Variants in CEBPZOS observed in about 807,000 individuals in gnomAD.
CEBPZOS encodes the protein protein CEBPZOS.
A neutral mutation model predicts 4.8 loss-of-function variants in CEBPZOS; 10 were observed. That is an observed-to-expected ratio of 2.07 (90% CI 1.28 to 3.52). The LOEUF (loss-of-function observed/expected upper bound fraction) is 3.52. Among genes scored for constraint, CEBPZOS ranks in the 30% most tolerant of loss-of-function variants. CEBPZOS has a pLI of 0.00. For missense variants in CEBPZOS, 98 were observed against 43.6 expected, an observed-to-expected ratio of 2.25 and a Z score of -3.51; for synonymous variants, 25 against 14.2, an observed-to-expected ratio of 1.77 and a Z score of -1.72.
At chr2:37,200,658 T>G (rs371034124) in intron 2 of CEBPZOS, among the ~76,000 whole-genome samples, 71 of 70,410 alleles carry the variant, frequency 1.0e-3, no homozygotes, top group African/African-American at 5.0e-3. Flanking sequence ...CACTGTATCT[T>G]AAGAAAAAAA....
At chr2:37,201,434 A>T (rs987561115) in intron 3 of CEBPZOS, 1 of 532,938 alleles carries the variant, frequency 1.9e-6, no homozygotes, top group Admixed American at 3.6e-5. Context: ...TAAAGACTGA[A>T]CAAGATGACA....
At chr2:37,201,803 C>T (rs560242482) in intron 4 of CEBPZOS, 60 bp from the exon 5 acceptor site, 3 of 1,567,112 alleles carry the variant, frequency 1.9e-6, no homozygotes, top group Non-Finnish European at 2.6e-6. Context: ...TGGTTTTAAT[C>T]CTCTTCTTTT....
chr2:37,212,497 C>T, intron 4 of CEBPZOS: 1 of 919,208 alleles, frequency 1.1e-6, no homozygotes, highest in Non-Finnish European at 1.7e-6. Flanking sequence ...CTGTTTATGA[C>T]AAGTGAACAC....
At chr2:37,212,165 T>C in intron 4 of CEBPZOS, 1 of 995,822 alleles carries the variant, frequency 1.0e-6, no homozygotes, top group Non-Finnish European at 1.5e-6. Context: ...CTGCTCAGAG[T>C]AAATAATAAC....
Position 37,202,457 on chromosome 2 carries a change from C to CAA in CEBPZOS, c.*598_*599dup, listed in dbSNP as rs1472339104. On this transcript the variant is annotated 3_prime_UTR_variant, in exon 5 of 5. Coordinates refer to ENST00000402297, the MANE Select transcript of CEBPZOS (RefSeq NM_001322374.2). ...GTCAGGAGTTCGAGACCAGCCTGGC[C>CAA]AACATGGTGAAACCCTGTTTCTACT... The CAA allele has an allele frequency of 5.4e-6, 1 of 185,706 alleles. No homozygotes were observed. The highest frequency in any genetic ancestry group is 1.1e-5 in the Non-Finnish European group (1 of 89,014). 11.5% of individuals were successfully genotyped at this position (185,706 alleles called of 1,614,324 possible).
chr2:37,202,016 C>A lies in CEBPZOS; in HGVS notation c.*156C>A. On this transcript the variant is annotated 3_prime_UTR_variant, in exon 5 of 5. Transcript: ENST00000402297. ...TCTAGCCTGCCTTGGCCTGTGGTTT[C>A]CCACCCACTATACAAACCCACTGCT... is the stretch of plus-strand genomic sequence containing the variant. The A allele has an allele frequency of 1.1e-6, 1 of 869,920 alleles. No homozygotes were observed. Among genetic ancestry groups the A allele is most frequent in the Non-Finnish European group, 1.8e-6 (1 of 569,146 alleles). The allele number at this position is 869,920 out of a possible 1,614,324, so 53.9% of individuals were successfully genotyped here. A position where few individuals can be genotyped will look rare whatever the true frequency, so the allele number is the denominator to read the frequency against.
chr2:37,213,862 A>G, downstream of CEBPZOS: 1 of 1,592,316 alleles, frequency 6.3e-7, no homozygotes, highest in Non-Finnish European at 8.6e-7. Flanking sequence ...AAAACAAATT[A>G]CCAATCAGCT....
Position 37,209,876 on chromosome 2 carries a change from T to G in CEBPZOS, c.*3-3561T>G, listed in dbSNP as rs533246179. The G allele has an allele frequency of 1.8e-4, 28 of 152,152 alleles. No homozygotes were observed. In the South Asian group the frequency reaches 5.6e-3, roughly 30 times the overall value. The allele number at this position is 152,152 out of a possible 1,614,324, so 9.4% of individuals were successfully genotyped here. ...AGAGTGGGAGAAAATCTTCGTAAAC[T>G]ATGCATCTGAGAAAGGACTAATGTC... is the stretch of plus-strand genomic sequence containing the variant. On this transcript the variant is annotated intron_variant, in intron 4 of 4. Coordinates refer to the CEBPZOS transcript ENST00000397064.
At chr2:37,197,269 T>TTA (rs1331716892) in intron 1 of CEBPZOS, 2 of 152,158 alleles carry the variant, frequency 1.3e-5, no homozygotes, top group Non-Finnish European at 2.9e-5. Flanking sequence ...TCCCTGGTGG[T>TTA]CTGTAGCAAA....
intron 4 of CEBPZOS, among the ~76,000 whole-genome samples, chr2:37,212,890 C>G (rs925297151): frequency 8.5e-6 from 1 of 117,946 alleles, no homozygotes; most frequent in African/African-American, 3.2e-5. Context: ...AAAAAAAAAA[C>G]GAGCCGGACA....
At chr2:37,215,951 TAAA>T (rs201108820), downstream of CEBPZOS, among the ~76,000 whole-genome samples, 145 of 111,506 alleles carry the variant, frequency 1.3e-3, no homozygotes, top group African/African-American at 4.5e-3. Context: ...GTAATAAAGT[TAAA>T]AAAAAAAAAA....
chr2:37,212,953 C>T (rs1486270159), intron 4 of CEBPZOS, among the ~76,000 whole-genome samples: 13 of 150,566 alleles, frequency 8.6e-5, no homozygotes, highest in African/African-American at 2.2e-4. Context: ...GCAGGAAAAT[C>T]GCCTGAGCCC....
At position 37,212,870 on chromosome 2, in the gene CEBPZOS, A is replaced by C. The variant is rs544760883; in HGVS notation, c.*3-567A>C. Among the ~76,000 whole-genome samples, 622 of 143,024 alleles carry C rather than the reference A, an allele frequency of 4.3e-3. 3 individuals carry two copies. The highest frequency in any genetic ancestry group is 0.012 in the African/African-American group (492 of 39,738). The allele number at this position is 143,024 out of a possible 152,430, so 93.8% of individuals were successfully genotyped here. On this transcript the variant is annotated intron_variant, in intron 4 of 4. Transcript: ENST00000397064. ...AAAAAAACAAAAACAACAACAACAA[A>C]AAAAAAAACAAAAAAAAAACGAGCC...
intron 4 of CEBPZOS, chr2:37,211,814 G>C: frequency 1.3e-6 from 2 of 1,500,020 alleles, no homozygotes; most frequent in South Asian, 1.3e-5. Context: ...GGAAGACACA[G>C]TTTATGTCTT....
downstream of CEBPZOS, among the ~76,000 whole-genome samples, chr2:37,206,561 T>G (rs1173036258): frequency 1.3e-5 from 2 of 152,194 alleles, no homozygotes; most frequent in African/African-American, 4.8e-5. Context: ...TTTTGCCATG[T>G]TGGCCAGGCT....
intron 1 of CEBPZOS, 147 bp downstream of exon 1, chr2:37,196,667 G>C (rs562553279): frequency 1.3e-5 from 2 of 151,696 alleles, no homozygotes; most frequent in East Asian, 3.9e-4. Context: ...TAATTCACTG[G>C]AGGCGAGTGT....
intron 4 of CEBPZOS, chr2:37,210,972 T>G: frequency 6.5e-7 from 1 of 1,534,806 alleles, no homozygotes; most frequent in Non-Finnish European, 8.9e-7. Context: ...ACACTGCTTT[T>G]AAAAGATATT....
intron 3 of CEBPZOS, chr2:37,201,387 T>C (rs1677222492): frequency 6.0e-6 from 3 of 497,718 alleles, no homozygotes; most frequent in Admixed American, 7.7e-5. Flanking sequence ...TCAGGTTTGC[T>C]AACTTCTTGG....
downstream of CEBPZOS, chr2:37,209,071 T>C (rs112408421): frequency 2.0e-5 from 3 of 150,532 alleles, no homozygotes; most frequent in African/African-American, 7.3e-5. Flanking sequence ...ATAATAATAC[T>C]TAGGAATACA....
Sources: allele counts gnomAD v4.1 joint callset (sites outside exome capture counted in the v4.1 genomes callset), GRCh38; gene constraint gnomAD v4.1.1; transcripts MANE v1.5; gene names NCBI Gene and HGNC (gene_info 2026-07-23, HGNC 2026-07-21).